KCNIP1: variants seen among roughly 807,000 people sequenced by gnomAD.
KCNIP1 encodes the protein potassium voltage-gated channel interacting protein 1, also known as A-type potassium channel modulatory protein KCNIP1.
A neutral mutation model predicts 33.0 loss-of-function variants in KCNIP1; 18 were observed. The observed-to-expected ratio is 0.55, with a 90% CI of 0.38 to 0.81. KCNIP1 has a LOEUF of 0.81. KCNIP1 is among the 30% of genes least tolerant of loss of function. KCNIP1 has a pLI of 0.00. For synonymous variants in KCNIP1, 93 were observed against 98.3 expected (o/e 0.95, Z 0.32); for missense variants, 238 against 271.6 (o/e 0.88, Z 0.87).
intron 1 of KCNIP1, among the ~76,000 whole-genome samples, chr5:170,475,683 G>A (rs1756841923): frequency 6.6e-6 from 1 of 152,128 alleles, no homozygotes; most frequent in Admixed American, 6.5e-5. Flanking sequence ...TCTTTGTGGG[G>A]GGTTCTTATT....
chr5:170,493,364 C>A (rs1330730383), intron 1 of KCNIP1, among the ~76,000 whole-genome samples: 1 of 152,182 alleles, frequency 6.6e-6, no homozygotes, highest in Non-Finnish European at 1.5e-5. Flanking sequence ...TTAGAAAGCA[C>A]TTCCTAGATC....
intron 1 of KCNIP1, among the ~76,000 whole-genome samples, chr5:170,517,963 G>T (rs1026331827): frequency 6.6e-6 from 1 of 151,154 alleles, no homozygotes; most frequent in African/African-American, 2.4e-5. Context: ...GGTGGTGGTA[G>T]TGATGATGGT....
intron 1 of KCNIP1, among the ~76,000 whole-genome samples, chr5:170,568,021 A>G (rs942502774): frequency 1.3e-5 from 2 of 152,170 alleles, no homozygotes; most frequent in African/African-American, 4.8e-5. Flanking sequence ...CTGATCAGCA[A>G]CCTTCTACAG....
In KCNIP1 at chr5:170,605,559, C is replaced by T. The variant is rs533218300; in HGVS notation, c.61+100926C>T. 1.8e-4 allele frequency among the ~76,000 whole-genome samples: 28 copies of T among 152,284 alleles called. No homozygotes were observed. In the South Asian group the frequency reaches 4.6e-3, roughly 25 times the overall value. On this transcript the variant is annotated intron_variant, in intron 1 of 7. Coordinates refer to ENST00000328939, the MANE Select transcript of KCNIP1 (RefSeq NM_014592.4). ...TTCTCATCACCTCAGATGGAAGCCC[C>T]GTATTCACTAAGAAGCCACTCCCCA...
rs527702721 is a variant in KCNIP1 at position 170,727,198 on chromosome 5, C to T, written c.435+4378C>T. Among the ~76,000 whole-genome samples the T allele has an allele frequency of 3.9e-5, 6 of 152,288 alleles. No individual in the cohort carries two copies. In the South Asian group the frequency reaches 1.0e-3, roughly 26 times the overall value. ...CTCATGCTGAGTAAATGAAGCCAGA[C>T]GCAAATGAGTTTACACTGTTTTACT... On this transcript the variant is annotated intron_variant, in intron 5 of 7. Coordinates refer to ENST00000328939, the MANE Select transcript of KCNIP1 (RefSeq NM_014592.4).
chr5:170,641,758 C>T (rs576657320), intron 1 of KCNIP1, among the ~76,000 whole-genome samples: 1 of 152,320 alleles, frequency 6.6e-6, no homozygotes, highest in South Asian at 2.1e-4. Context: ...AGGCATCTCC[C>T]CACGATCTAC....
chr5:170,443,772 A>C (rs546530149), intron 1 of KCNIP1, among the ~76,000 whole-genome samples: 1 of 152,362 alleles, frequency 6.6e-6, no homozygotes, highest in South Asian at 2.1e-4. Context: ...CTCATGATGC[A>C]AATGAAGCAG....
chr5:170,475,641 GA>G (rs1253227000), intron 1 of KCNIP1, among the ~76,000 whole-genome samples: 1 of 152,214 alleles, frequency 6.6e-6, no homozygotes, highest in Non-Finnish European at 1.5e-5. Context: ...TTCTGTTCTG[GA>G]TGCTGCTCCA....
chr5:170,369,689 G>A lies in KCNIP1; in HGVS notation c.88+15725G>A, dbSNP rs558576645. Among the ~76,000 whole-genome samples the A allele has an allele frequency of 3.9e-5, 6 of 152,374 alleles. 1 individual carries two copies. In the South Asian group the frequency reaches 1.0e-3, roughly 26 times the overall value. ...TCAGGACCAAGTTTGCACTTTTGCT[G>A]ATGCAGCCACTCTATTCCCATGGGC... On this transcript the variant is annotated intron_variant, in intron 1 of 7. Transcript: ENST00000377360.
chr5:170,692,870 G>A (rs569033711), intron 1 of KCNIP1, among the ~76,000 whole-genome samples: 16 of 152,296 alleles, frequency 1.1e-4, no homozygotes, highest in South Asian at 6.2e-4. Flanking sequence ...AACTAGGACC[G>A]ATTAAAAGAA....
At chr5:170,591,143 C>G (rs558384617) in intron 1 of KCNIP1, among the ~76,000 whole-genome samples, 3 of 152,356 alleles carry the variant, frequency 2.0e-5, no homozygotes, top group East Asian at 1.9e-4. Flanking sequence ...TCCATCTGTT[C>G]AAGCTGAGTC....
At chr5:170,589,478 C>T (rs1418836533) in intron 1 of KCNIP1, among the ~76,000 whole-genome samples, 14 of 152,090 alleles carry the variant, frequency 9.2e-5, no homozygotes, top group Non-Finnish European at 1.5e-5. Context: ...AGGAGTACAG[C>T]AGGGAATAAA....
intron 1 of KCNIP1, among the ~76,000 whole-genome samples, chr5:170,650,468 T>C (rs1334729988): frequency 2.6e-5 from 4 of 152,232 alleles, no homozygotes; most frequent in Non-Finnish European, 4.4e-5. Context: ...TGCATTATTC[T>C]GGGACTCATT....
chr5:170,573,776 A>G (rs1581344901), intron 1 of KCNIP1, among the ~76,000 whole-genome samples: 1 of 152,254 alleles, frequency 6.6e-6, no homozygotes, highest in Non-Finnish European at 1.5e-5. Context: ...TGCAAAAAAG[A>G]CAGTGGAGTT....
intron 1 of KCNIP1, among the ~76,000 whole-genome samples, chr5:170,512,865 C>T (rs1370109196): frequency 2.0e-5 from 3 of 152,164 alleles, no homozygotes; most frequent in South Asian, 2.1e-4. Flanking sequence ...CCGGCTAACA[C>T]GGTGAAACCC....
intron 1 of KCNIP1, among the ~76,000 whole-genome samples, chr5:170,686,243 G>A (rs1762534159): frequency 6.6e-6 from 1 of 152,154 alleles, no homozygotes; most frequent in Non-Finnish European, 1.5e-5. Context: ...TCTCCAGAGA[G>A]AAAGGAGGAG....
chr5:170,449,281 C>T (rs1213107090), intron 1 of KCNIP1, among the ~76,000 whole-genome samples: 3 of 152,228 alleles, frequency 2.0e-5, no homozygotes, highest in African/African-American at 2.4e-5. Flanking sequence ...GTTACAGGAG[C>T]TTCCTCATAA....
At position 170,489,309 on chromosome 5, in the gene KCNIP1, A is replaced by G. The variant is rs1275425306; in HGVS notation, c.88+135345A>G. Among the ~76,000 whole-genome samples the G allele has an allele frequency of 1.1e-4, 16 of 152,240 alleles. No homozygotes were observed. The East Asian group carries it at 3.1e-3, about 29-fold the overall frequency. ...GGAGAAAGCCATGCTATAGGCAATCAAGATTTGCACATTGTCAGCAGAGAA... is the reference window on the plus strand; with the variant it reads ...GGAGAAAGCCATGCTATAGGCAATCGAGATTTGCACATTGTCAGCAGAGAA... On this transcript the variant is annotated intron_variant, in intron 1 of 7. Coordinates refer to the KCNIP1 transcript ENST00000377360. This position sits in a 1 kb window ranked among gnomAD's most constrained non-coding sequence, Gnocchi z 4.3.
intron 1 of KCNIP1, among the ~76,000 whole-genome samples, chr5:170,531,666 G>T (rs959714575): frequency 6.6e-6 from 1 of 152,138 alleles, no homozygotes; most frequent in Non-Finnish European, 1.5e-5. Context: ...GAAGAAACAG[G>T]ATCTGTTCCT....
Sources: gnomAD v4.1 joint callset for allele counts (sites outside exome capture counted in the v4.1 genomes callset) on GRCh38, gnomAD v4.1.1 for gene constraint, Gnocchi (gnomAD v3.1) non-coding constraint, MANE v1.5 for transcripts, NCBI Gene and HGNC (gene_info 2026-07-23, HGNC 2026-07-21) for gene names.